The following C1QTNF8 variants were observed in gnomAD, a reference collection of about 807,000 sequenced individuals.
C1QTNF8 encodes C1q and TNF related 8, also known as complement C1q tumor necrosis factor-related protein 8.
C1QTNF8 carries 27 observed loss-of-function variants against 19.2 expected under a neutral mutation model. The observed-to-expected ratio is 1.41, with a 90% CI of 1.04 to 1.94. C1QTNF8 has a LOEUF of 1.94. Ranked by LOEUF, C1QTNF8 falls within the 30% of genes most tolerant of loss-of-function variation. C1QTNF8 has a pLI of 0.00. For missense variants in C1QTNF8, 484 were observed against 374.4 expected, an observed-to-expected ratio of 1.29 and a Z score of -2.42; for synonymous variants, 208 against 172.8, an observed-to-expected ratio of 1.20 and a Z score of -1.60.
In C1QTNF8 at chr16:1,093,558, G is replaced by A; in HGVS notation, c.702C>T (p.His234=). ...RDRDNAIYGE[H]GDLYITFSGH... is the part of the protein sequence containing the mutation. The stretch of plus-strand genomic sequence containing the variant: ...CGCTGAAGGTGATGTAGAGGTCTCC[G>A]TGCTCGCCGTAGATGGCGTTGTCCC... The change falls in exon 4 of 5, where the codon CAC becomes CAT. Residue 234 remains histidine, a synonymous_variant. Transcript: ENST00000328449. 1 of 1,590,000 alleles carries A rather than the reference G, an allele frequency of 6.3e-7. No individual in the cohort carries two copies. Among genetic ancestry groups the A allele is most frequent in the East Asian group, 2.3e-5 (1 of 43,562 alleles).
chr16:1,092,404 G>A (rs562508976), intron 4 of C1QTNF8, among the ~76,000 whole-genome samples: 48 of 146,738 alleles, frequency 3.3e-4, no homozygotes, highest in Admixed American at 1.9e-3. Context: ...CACAGTCGGC[G>A]CTCAATCAAT....
chr16:1,090,076 A>G lies in C1QTNF8; in HGVS notation c.*523T>C. ...TGCCCCTCCTGTCTCTAGCAGGGCC[A>G]GGGTTCACCAGCCACGGCCACCGGC... On this transcript the variant is annotated 3_prime_UTR_variant, in exon 5 of 5. Transcript: ENST00000328449. The G allele has an allele frequency of 6.6e-6, 1 of 152,430 alleles. No individual in the cohort carries two copies. Among genetic ancestry groups the G allele is most frequent in the Non-Finnish European group, 1.5e-5 (1 of 68,220 alleles). The allele number at this position is 152,430 out of a possible 1,614,324, so 9.4% of individuals were successfully genotyped here.
In C1QTNF8 at chr16:1,093,960, G is replaced by C; in HGVS notation, c.300C>G (p.Gly100=). 1 of 1,490,660 alleles carries C rather than the reference G, an allele frequency of 6.7e-7. No individual in the cohort carries two copies. The allele number at this position is 1,490,660 out of a possible 1,614,324, so 92.3% of individuals were successfully genotyped here. ...CCGGCGGCCCCACCTGCCCCTTCTG[G>C]CCTCTGCGGCCCTGCAGGCCCCGGG... ...PGARGLQGRR[G]QKGQVGPPGA... Residue 100 remains glycine (G), a synonymous_variant, in exon 4 of 5, where the codon GGC becomes GGG. Coordinates refer to ENST00000328449, the MANE Select transcript of C1QTNF8 (RefSeq NM_207419.3).
rs543376155 is a variant in C1QTNF8, at chr16:1,094,071, G to A, written c.209-20C>T. 177 of 1,421,590 alleles carry A rather than the reference G, an allele frequency of 1.2e-4. 1 individual carries two copies. In the African/African-American group the frequency reaches 2.4e-3, roughly 19 times the overall value. 88.1% of individuals were successfully genotyped at this position (1,421,590 alleles called of 1,614,324 possible). A position where few individuals can be genotyped will look rare whatever the true frequency, so the allele number is the denominator to read the frequency against. ...TCTCACCTGCAGGGGACAAACGAAA[G>A]CCACGGGTCGGGGCCGGGCTGGGCA... On this transcript the variant is annotated intron_variant, in intron 3 of 4. Transcript: ENST00000328449.
In C1QTNF8 at chr16:1,088,237, T is replaced by C. The variant is rs531487691; in HGVS notation, c.*2362A>G. Reference sequence around the variant, plus strand: ...ATGAATTTCACCTAAACATTTAAAATTGGATTTTTACTGGAATTCCACTAA... The same window carrying C: ...ATGAATTTCACCTAAACATTTAAAACTGGATTTTTACTGGAATTCCACTAA... On this transcript the variant is annotated 3_prime_UTR_variant, in exon 5 of 5. Transcript: ENST00000328449. Among the ~76,000 whole-genome samples the C allele has an allele frequency of 1.3e-5, 2 of 152,318 alleles. 1 individual carries two copies. Among genetic ancestry groups the C allele is most frequent in the East Asian group, 3.9e-4 (2 of 5,186 alleles).
rs1287139188 is a variant in C1QTNF8, at chr16:1,094,754, G to A, written c.169C>T (p.Pro57Ser). The change falls in exon 3 of 5, where the codon CCT (proline) becomes TCT (serine). Residue 57 changes from proline (P) to serine (S), a missense_variant. Physicochemically the swap from Pro to Ser is moderately conservative, Grantham distance 74. Coordinates refer to ENST00000328449, the MANE Select transcript of C1QTNF8 (RefSeq NM_207419.3). ...LWRGDLWRGL[P>S]RVRPTIDIEI... is the part of the protein sequence containing the mutation. The stretch of plus-strand genomic sequence containing the variant: ...ATGTCTATAGTGGGCCGTACTCGAG[G>A]CAGCCCCCTCCACAGGTCCCCCCTC... 6.4e-7 allele frequency: 1 copy of A among 1,560,616 alleles called. No homozygotes were observed. The highest frequency in any genetic ancestry group is 8.7e-7 in the Non-Finnish European group (1 of 1,155,838).
At chr16:1,094,405 G>A (rs1301421615) in intron 3 of C1QTNF8, among the ~76,000 whole-genome samples, 2 of 152,166 alleles carry the variant, frequency 1.3e-5, no homozygotes, top group East Asian at 3.9e-4. Context: ...CGTGTCAAGG[G>A]GTCTCAGAGC....
chr16:1,092,488 A>T (rs112634028), intron 4 of C1QTNF8, among the ~76,000 whole-genome samples: 2 of 112,410 alleles, frequency 1.8e-5, no homozygotes, highest in South Asian at 3.1e-4. Context: ...CACAGTCGGC[A>T]CTCAACCAAT....
chr16:1,093,692 C>A lies in C1QTNF8; in HGVS notation c.568G>T (p.Ala190Ser), dbSNP rs561284506. Residue 190 changes from alanine (A) to serine (S), a missense_variant, in exon 4 of 5, where the codon GCC (alanine) becomes TCC (serine). Ala to Ser is a moderately conservative substitution (Grantham distance 99). Coordinates refer to ENST00000328449, the MANE Select transcript of C1QTNF8 (RefSeq NM_207419.3). Reference sequence around the variant, plus strand: ...TCGCTGGGCTGCGCGTAGAGCACGGCCGCGGGCCGCCGGTTCAGCATGATG... The same window carrying A: ...TCGCTGGGCTGCGCGTAGAGCACGGACGCGGGCCGCCGGTTCAGCATGATG... ...LHIMLNRRPA[A>S]VLYAQPSERS... 9 of 1,611,044 alleles carry A rather than the reference C, an allele frequency of 5.6e-6. No individual in the cohort carries two copies. The highest frequency in any genetic ancestry group is 5.9e-6 in the Non-Finnish European group (7 of 1,179,076).
chr16:1,091,049 G>A (rs529641712), intron 4 of C1QTNF8, among the ~76,000 whole-genome samples: 29 of 152,314 alleles, frequency 1.9e-4, no homozygotes, highest in African/African-American at 3.8e-4. Flanking sequence ...AGTACTGGTG[G>A]GGGCCCCTGT....
At chr16:1,091,405 G>A (rs566292596) in intron 4 of C1QTNF8, among the ~76,000 whole-genome samples, 1 of 152,268 alleles carries the variant, frequency 6.6e-6, no homozygotes, top group South Asian at 2.1e-4. Flanking sequence ...AGGCTGGGCC[G>A]GAGGGGCTGG....
At chr16:1,094,092 G>A in intron 3 of C1QTNF8, 41 bp from the exon 4 acceptor site, 3 of 1,377,062 alleles carry the variant, frequency 2.2e-6, no homozygotes, top group South Asian at 1.7e-5. Flanking sequence ...GGGCCGGGCT[G>A]GGCAGGCCTC....
intron 4 of C1QTNF8, among the ~76,000 whole-genome samples, chr16:1,092,249 C>T (rs117962207): frequency 0.014 from 2,128 of 152,356 alleles, 24 homozygotes; most frequent in Middle Eastern, 0.031. Context: ...GGCCCAGTCC[C>T]TGCACACAGT....
At position 1,095,729 on chromosome 16, in the gene C1QTNF8, T is replaced by A. The variant is rs1960672567; in HGVS notation, c.-126A>T. On this transcript the variant is annotated 5_prime_UTR_variant, in exon 2 of 5. Transcript: ENST00000328449. ...GAAGATGGGCTCTGCTGGACAAAGA[T>A]CTAGGCTGCCTCCTTCAGGAAGCCC... 1 of 152,254 alleles carries A rather than the reference T, an allele frequency of 6.6e-6. No individual in the cohort carries two copies. Among genetic ancestry groups the A allele is most frequent in the Non-Finnish European group, 1.5e-5 (1 of 68,102 alleles). The allele number at this position is 152,254 out of a possible 1,614,324, so 9.4% of individuals were successfully genotyped here.
chr16:1,093,869 C>G lies in C1QTNF8; in HGVS notation c.391G>C (p.Asp131His), dbSNP rs1204375941. 1 of 1,597,936 alleles carries G rather than the reference C, an allele frequency of 6.3e-7. No homozygotes were observed. The highest frequency in any genetic ancestry group is 8.5e-7 in the Non-Finnish European group (1 of 1,176,646). Residue 131 changes from aspartate to histidine, a missense_variant, in exon 4 of 5, where the codon GAC becomes CAC. Physicochemically the swap from Asp to His is moderately conservative, Grantham distance 81. Coordinates refer to ENST00000328449, the MANE Select transcript of C1QTNF8 (RefSeq NM_207419.3). Reference sequence around the variant, plus strand: ...TCGAAGGGCACCGCCTGGAAGTGGTCGGAGCTGTGCAGGCCCTCGCGCCGG... The same window carrying G: ...TCGAAGGGCACCGCCTGGAAGTGGTGGGAGCTGTGCAGGCCCTCGCGCCGG... ...VGRREGLHSS[D>H]HFQAVPFDTE...
At position 1,093,674 on chromosome 16, in the gene C1QTNF8, G is replaced by T. The variant is rs778461456; in HGVS notation, c.586C>A (p.Pro196Thr). 71 of 1,610,490 alleles carry T rather than the reference G, an allele frequency of 4.4e-5. No homozygotes were observed. The highest frequency in any genetic ancestry group is 6.0e-5 in the Non-Finnish European group (71 of 1,178,524). Residue 196 changes from proline to threonine, a missense_variant, in exon 4 of 5, where the codon CCC becomes ACC. Coordinates refer to ENST00000328449, the MANE Select transcript of C1QTNF8 (RefSeq NM_207419.3). ...RRPAAVLYAQ[P>T]SERSVMQAQS... The stretch of plus-strand genomic sequence containing the variant: ...GCCTGCATGACGCTGCGCTCGCTGG[G>T]CTGCGCGTAGAGCACGGCCGCGGGC...
In C1QTNF8 at chr16:1,093,540, G is replaced by GGTGATGTA; in HGVS notation, c.712_719dup (p.Phe241ThrfsTer229). 3 of 1,569,664 alleles carry GGTGATGTA rather than the reference G, an allele frequency of 1.9e-6. No individual in the cohort carries two copies. The highest frequency in any genetic ancestry group is 2.6e-6 in the Non-Finnish European group (3 of 1,153,692). On this transcript the variant is annotated frameshift_variant, in exon 4 of 5. Coordinates refer to ENST00000328449, the MANE Select transcript of C1QTNF8 (RefSeq NM_207419.3). LOFTEE classifies it high-confidence loss of function. ...CCGGCTTGACCAGGTGGCCGCTGAA[G>GGTGATGTA]GTGATGTAGAGGTCTCCGTGCTCGC...
In C1QTNF8 at chr16:1,089,060, C is replaced by G. The variant is rs1596241424; in HGVS notation, c.*1539G>C. On this transcript the variant is annotated 3_prime_UTR_variant, in exon 5 of 5. Coordinates refer to ENST00000328449, the MANE Select transcript of C1QTNF8 (RefSeq NM_207419.3). ...CCTGGCAGCACAGGCTCACTGGAAT[C>G]ACAGAGGCTGGAGACCCCAGGGCAG... 1.3e-5 allele frequency among the ~76,000 whole-genome samples: 2 copies of G among 152,294 alleles called. No homozygotes were observed. Among genetic ancestry groups the G allele is most frequent in the Middle Eastern group, 6.8e-3 (2 of 294 alleles).
At chr16:1,091,096 G>A (rs779926397) in intron 4 of C1QTNF8, among the ~76,000 whole-genome samples, 6 of 152,162 alleles carry the variant, frequency 3.9e-5, no homozygotes, top group Non-Finnish European at 5.9e-5. Flanking sequence ...CCTAAAGAGG[G>A]GGATGGGCGA....
Sources: allele counts gnomAD v4.1 joint callset (sites outside exome capture counted in the v4.1 genomes callset), GRCh38; gene constraint gnomAD v4.1.1; transcripts MANE v1.5; gene names NCBI Gene and HGNC (gene_info 2026-07-23, HGNC 2026-07-21).